Variants in SLC4A4 observed in about 807,000 individuals in gnomAD.
The protein encoded by SLC4A4 is electrogenic sodium bicarbonate cotransporter 1.
In SLC4A4, 27 loss-of-function variants were observed where a neutral mutation model predicts 111.5. The observed-to-expected ratio is 0.24, with a 90% confidence interval of 0.18 to 0.33. The LOEUF (loss-of-function observed/expected upper bound fraction) is 0.33. Ranked by LOEUF, SLC4A4 falls within the 10% of genes least tolerant of loss-of-function variation. The probability of loss-of-function intolerance (pLI) is 1.00; values close to 1 mark genes in which losing one functional copy is unlikely to be tolerated. For synonymous variants in SLC4A4, 443 were observed against 463.4 expected (o/e 0.96, Z 0.57); for missense variants, 909 against 1,315.5 (o/e 0.69, Z 4.78).
In SLC4A4 at chr4:71,084,240, G is replaced by A. The variant is rs528631293; in HGVS notation, c.-64-8490G>A. ...TTATTAATAATCGGATGTAAAGATC[G>A]CCTTGAAGTATAGTCTATAATAATA... On this transcript the variant is annotated intron_variant, in intron 1 of 26. Transcript: ENST00000649996. Among the ~76,000 whole-genome samples the A allele has an allele frequency of 9.2e-5, 14 of 151,972 alleles. No individual in the cohort carries two copies. The South Asian group carries it at 2.5e-3, about 27-fold the overall frequency.
chr4:71,504,914 G>T (rs1039432237), intron 16 of SLC4A4, among the ~76,000 whole-genome samples: 3 of 151,946 alleles, frequency 2.0e-5, no homozygotes, highest in African/African-American at 4.8e-5. Flanking sequence ...AGAGTGTGTT[G>T]TTTTTCTGAA....
chr4:71,344,166 T>C (rs1197666731), intron 4 of SLC4A4, among the ~76,000 whole-genome samples: 1 of 152,300 alleles, frequency 6.6e-6, no homozygotes, highest in East Asian at 1.9e-4. Context: ...TGCCACTGTA[T>C]TCCTAGTGCC....
At chr4:71,169,052 CTT>C (rs1322702895) in intron 2 of SLC4A4, among the ~76,000 whole-genome samples, 1 of 151,842 alleles carries the variant, frequency 6.6e-6, no homozygotes, top group Non-Finnish European at 1.5e-5. Flanking sequence ...GGGTTTCGCT[CTT>C]GTTGCCCCGG....
At chr4:71,325,244 A>T (rs1438021783) in intron 3 of SLC4A4, among the ~76,000 whole-genome samples, 2 of 150,538 alleles carry the variant, frequency 1.3e-5, no homozygotes, top group African/African-American at 4.9e-5. Flanking sequence ...GGATTCCATT[A>T]AAAAAAAAGG....
At chr4:71,539,360 C>T (rs1046712199) in intron 18 of SLC4A4, among the ~76,000 whole-genome samples, 1 of 152,042 alleles carries the variant, frequency 6.6e-6, no homozygotes, top group Non-Finnish European at 1.5e-5. Context: ...TAAATCTTTA[C>T]CTCTCAAAGA....
intron 6 of SLC4A4, among the ~76,000 whole-genome samples, chr4:71,381,948 C>A (rs568503993): frequency 1.3e-5 from 2 of 152,146 alleles, no homozygotes; most frequent in East Asian, 3.9e-4. Flanking sequence ...AGAATGAGAA[C>A]GTAGAGACCG....
chr4:71,224,354 T>C (rs887972782), intron 1 of SLC4A4, among the ~76,000 whole-genome samples: 3 of 152,206 alleles, frequency 2.0e-5, no homozygotes, highest in African/African-American at 4.8e-5. Context: ...TGGAGAGTTT[T>C]AACAGATCAG....
chr4:71,556,353 A>G (rs142752887), intron 21 of SLC4A4, among the ~76,000 whole-genome samples: 7 of 151,970 alleles, frequency 4.6e-5, no homozygotes, highest in South Asian at 2.1e-4. Flanking sequence ...CTGCCATTGT[A>G]AATATTCTTT....
At chr4:71,223,200 A>C (rs1718850952) in intron 1 of SLC4A4, among the ~76,000 whole-genome samples, 1 of 149,088 alleles carries the variant, frequency 6.7e-6, no homozygotes, top group African/African-American at 2.5e-5. Context: ...TTCTGAGACC[A>C]AGCCTCCCTC....
At chr4:71,255,861 G>A (rs1472456760) in intron 3 of SLC4A4, among the ~76,000 whole-genome samples, 1 of 152,124 alleles carries the variant, frequency 6.6e-6, no homozygotes. Context: ...TTATGAGTCA[G>A]GTCAGTGATT....
chr4:71,496,030 C>A (rs890701411), intron 15 of SLC4A4, among the ~76,000 whole-genome samples: 2 of 151,990 alleles, frequency 1.3e-5, no homozygotes, highest in African/African-American at 2.4e-5. Flanking sequence ...TAAGAAGATT[C>A]AAACATCAGT....
intron 2 of SLC4A4, among the ~76,000 whole-genome samples, chr4:71,109,318 C>T (rs912805322): frequency 6.6e-6 from 1 of 150,750 alleles, no homozygotes; most frequent in Non-Finnish European, 1.5e-5. Context: ...GTCTGGCTCC[C>T]AAAAGAGGAA....
At chr4:71,387,919 TC>T (rs1374434906) in intron 6 of SLC4A4, among the ~76,000 whole-genome samples, 1 of 152,152 alleles carries the variant, frequency 6.6e-6, no homozygotes, top group African/African-American at 2.4e-5. Flanking sequence ...ACCAAACTTA[TC>T]TAAATTAGAC....
chr4:71,167,912 G>A (rs1042663492), intron 2 of SLC4A4, among the ~76,000 whole-genome samples: 3 of 151,918 alleles, frequency 2.0e-5, no homozygotes, highest in African/African-American at 7.3e-5. Context: ...TCTATCTTCA[G>A]TCCTCACCCC....
intron 16 of SLC4A4, among the ~76,000 whole-genome samples, chr4:71,516,299 G>A (rs1241709783): frequency 4.6e-5 from 7 of 151,558 alleles, no homozygotes; most frequent in South Asian, 2.1e-4. Context: ...AGGTTTCACC[G>A]TGTTAGCCAG....
intron 4 of SLC4A4, 131 bp downstream of exon 4, chr4:71,339,636 A>G: frequency 1.2e-6 from 1 of 801,636 alleles, no homozygotes. Flanking sequence ...GGCTGGGATA[A>G]GGAGTAAATA....
At chr4:71,200,340 T>C (rs1746190273) in intron 1 of SLC4A4, among the ~76,000 whole-genome samples, 2 of 152,236 alleles carry the variant, frequency 1.3e-5, no homozygotes, top group African/African-American at 4.8e-5. Context: ...GCTTATTAAT[T>C]GTCTAAAATT....
intron 18 of SLC4A4, among the ~76,000 whole-genome samples, chr4:71,545,887 A>G (rs984512229): frequency 6.6e-6 from 1 of 152,022 alleles, no homozygotes; most frequent in Admixed American, 6.6e-5. Flanking sequence ...TCTTAACAAA[A>G]ACAACCAGTA....
At chr4:71,327,521 A>G (rs1269059185) in intron 3 of SLC4A4, among the ~76,000 whole-genome samples, 1 of 152,044 alleles carries the variant, frequency 6.6e-6, no homozygotes. Flanking sequence ...TAAGGGAATA[A>G]TAAAAGTAAC....
Sources: gnomAD v4.1 joint callset for allele counts (sites outside exome capture counted in the v4.1 genomes callset) on GRCh38, gnomAD v4.1.1 for gene constraint, MANE v1.5 for transcripts, NCBI Gene and HGNC (gene_info 2026-07-23, HGNC 2026-07-21) for gene names.